XRCC4: variants seen among roughly 807,000 people sequenced by gnomAD.
XRCC4 encodes DNA repair protein XRCC4.
Under a neutral mutation model 39.1 loss-of-function variants are expected in XRCC4, and 28 were observed. The ratio of observed to expected loss-of-function variants is 0.72; its 90% confidence interval spans 0.53 to 0.98. The LOEUF (loss-of-function observed/expected upper bound fraction) is 0.98. Among genes scored for constraint, XRCC4 ranks in the 50% least tolerant of loss-of-function variants. The pLI is 0.00. For missense variants in XRCC4, 350 were observed against 376.4 expected (o/e 0.93, Z 0.58); for synonymous variants, 123 against 126.4 (o/e 0.97, Z 0.18).
chr5:83,327,063 C>T (rs886111147), intron 7 of XRCC4, among the ~76,000 whole-genome samples: 4 of 151,198 alleles, frequency 2.6e-5, no homozygotes, highest in African/African-American at 9.8e-5. Context: ...GTTTGTTTTG[C>T]TTATTGAAGT....
At chr5:83,163,042 C>T (rs751828150) in intron 3 of XRCC4, among the ~76,000 whole-genome samples, 3 of 149,590 alleles carry the variant, frequency 2.0e-5, no homozygotes, top group Non-Finnish European at 4.5e-5. Flanking sequence ...CTCCACCTCC[C>T]AAGTTCAAGC....
intron 7 of XRCC4, among the ~76,000 whole-genome samples, chr5:83,332,544 C>A (rs1453732514): frequency 6.6e-6 from 1 of 152,124 alleles, no homozygotes; most frequent in Non-Finnish European, 1.5e-5. Context: ...TAATGACTTT[C>A]AGGAAAAATG....
chr5:83,253,627 T>A (rs769814108), intron 6 of XRCC4, among the ~76,000 whole-genome samples: 4 of 152,054 alleles, frequency 2.6e-5, no homozygotes, highest in Non-Finnish European at 5.9e-5. Flanking sequence ...CCAAGCTATA[T>A]ATCATATGAA....
At chr5:83,262,751 A>G (rs1753795562) in intron 7 of XRCC4, among the ~76,000 whole-genome samples, 2 of 152,102 alleles carry the variant, frequency 1.3e-5, no homozygotes, top group East Asian at 3.9e-4. Flanking sequence ...ATAGTATTTC[A>G]AGTGAATACT....
In XRCC4 at chr5:83,290,483, A is replaced by C. The variant is rs888858537; in HGVS notation, c.893+31806A>C. Among the ~76,000 whole-genome samples, 11 of 151,694 alleles carry C rather than the reference A, an allele frequency of 7.3e-5. No homozygotes were observed. In the South Asian group the frequency reaches 1.9e-3, roughly 26 times the overall value. ...CTTAAGTATTCTGATCATATTCTGC[A>C]CTATGTGATTTGTAAAGATTATCTG... On this transcript the variant is annotated intron_variant, in intron 7 of 7. Coordinates refer to ENST00000396027, the MANE Select transcript of XRCC4 (RefSeq NM_003401.5).
intron 1 of XRCC4, among the ~76,000 whole-genome samples, chr5:83,094,550 G>A (rs1032478656): frequency 2.0e-5 from 3 of 151,098 alleles, no homozygotes; most frequent in Admixed American, 1.3e-4. Context: ...TCATTTTTCA[G>A]TTTAGTCGTT....
chr5:83,137,676 T>C (rs892233203), intron 3 of XRCC4, among the ~76,000 whole-genome samples: 1 of 152,140 alleles, frequency 6.6e-6, no homozygotes, highest in Non-Finnish European at 1.5e-5. Context: ...TCCTCAATTG[T>C]TTTGTTTATA....
intron 4 of XRCC4, among the ~76,000 whole-genome samples, chr5:83,199,769 A>T (rs184691254): frequency 0.028 from 3,884 of 139,836 alleles, 79 homozygotes; most frequent in East Asian, 0.072. Flanking sequence ...TAATTTTTTA[A>T]AAAAAATTAC....
At chr5:83,188,097 C>T (rs2112673730) in intron 3 of XRCC4, among the ~76,000 whole-genome samples, 1 of 152,252 alleles carries the variant, frequency 6.6e-6, no homozygotes, top group Admixed American at 6.5e-5. Flanking sequence ...CAGCTTAAAA[C>T]CATATACATT....
At chr5:83,253,087 G>T (rs1421449833) in intron 6 of XRCC4, among the ~76,000 whole-genome samples, 1 of 152,206 alleles carries the variant, frequency 6.6e-6, no homozygotes, top group Non-Finnish European at 1.5e-5. Context: ...TGACTGAAAT[G>T]AGTTGAGCTG....
chr5:83,177,658 A>G (rs1462039168), intron 3 of XRCC4, among the ~76,000 whole-genome samples: 1 of 152,194 alleles, frequency 6.6e-6, no homozygotes, highest in Admixed American at 6.5e-5. Context: ...TTATGTAGCA[A>G]ATAGATTTGT....
intron 3 of XRCC4, among the ~76,000 whole-genome samples, chr5:83,178,581 A>C (rs1222729020): frequency 6.6e-6 from 1 of 152,204 alleles, no homozygotes; most frequent in Non-Finnish European, 1.5e-5. Context: ...TGGTTTTGAA[A>C]ACAAAGGGCA....
intron 6 of XRCC4, among the ~76,000 whole-genome samples, chr5:83,213,158 A>G (rs867180730): frequency 6.6e-6 from 1 of 152,086 alleles, no homozygotes; most frequent in South Asian, 2.1e-4. Flanking sequence ...CCAGCAAAGT[A>G]TCTTTCAAAA....
chr5:83,169,446 A>AT lies in XRCC4; in HGVS notation c.316-26317dup, dbSNP rs28360096. 3.2e-3 allele frequency among the ~76,000 whole-genome samples: 491 copies of AT among 152,264 alleles called. 2 individuals are homozygous for AT. Among genetic ancestry groups the AT allele is most frequent in the African/African-American group, 0.011 (468 of 41,560 alleles). On this transcript the variant is annotated intron_variant, in intron 3 of 7. Coordinates refer to ENST00000396027, the MANE Select transcript of XRCC4 (RefSeq NM_003401.5). Reference sequence around the variant, plus strand: ...TAAACTGTCAGTTTTAATCTAAAGCATTTTTTTGTTTTCTTTGAGAGAAGA... The same window carrying AT: ...TAAACTGTCAGTTTTAATCTAAAGCATTTTTTTTGTTTTCTTTGAGAGAAGA...
intron 1 of XRCC4, among the ~76,000 whole-genome samples, chr5:83,088,572 T>C (rs1449840573): frequency 3.9e-5 from 6 of 152,218 alleles, no homozygotes; most frequent in Non-Finnish European, 8.8e-5. Context: ...GCATTTTAAA[T>C]TTTGCTGTGC....
intron 7 of XRCC4, among the ~76,000 whole-genome samples, chr5:83,307,310 T>TTCTA: frequency 6.6e-6 from 1 of 152,328 alleles, no homozygotes; most frequent in East Asian, 1.9e-4. Flanking sequence ...TAGGTAATAT[T>TTCTA]TCTATCTATG....
At chr5:83,351,992 C>A (rs1757097585) in intron 7 of XRCC4, among the ~76,000 whole-genome samples, 1 of 151,976 alleles carries the variant, frequency 6.6e-6, no homozygotes, top group African/African-American at 2.4e-5. Flanking sequence ...TTTCCAAATT[C>A]TTTGTGGGAA....
At chr5:83,083,247 T>G (rs1339928822) in intron 1 of XRCC4, among the ~76,000 whole-genome samples, 1 of 152,190 alleles carries the variant, frequency 6.6e-6, no homozygotes, top group Admixed American at 6.5e-5. Context: ...GTAAAATCCA[T>G]GAAGGCAGGC....
the XRCC4 span, among the ~76,000 whole-genome samples, chr5:83,366,878 C>T: frequency 6.6e-6 from 1 of 152,164 alleles, no homozygotes; most frequent in African/African-American, 2.4e-5. Flanking sequence ...ACAGCACCCT[C>T]CTACTACTAC....
Sources: gnomAD v4.1 joint callset for allele counts (sites outside exome capture counted in the v4.1 genomes callset) on GRCh38, gnomAD v4.1.1 for gene constraint, MANE v1.5 for transcripts, NCBI Gene and HGNC (gene_info 2026-07-23, HGNC 2026-07-21) for gene names.